MAPT: variants seen among roughly 807,000 people sequenced by gnomAD.
MAPT encodes the protein microtubule associated protein tau, also known as microtubule-associated protein tau.
MAPT carries 34 observed loss-of-function variants against 67.9 expected under a neutral mutation model. The ratio of observed to expected loss-of-function variants is 0.50; its 90% CI spans 0.38 to 0.67. The LOEUF is 0.67. Among genes scored for constraint, MAPT ranks in the 30% least tolerant of loss-of-function variants. The pLI, the probability that MAPT is intolerant of heterozygous loss-of-function variation, is 0.00. For synonymous variants in MAPT, 456 were observed against 464.5 expected, an observed-to-expected ratio of 0.98 and a Z score of 0.23; for missense variants, 881 against 1,115.2, an observed-to-expected ratio of 0.79 and a Z score of 2.99.
At chr17:45,925,627 G>T (rs1195193567) in intron 1 of MAPT, among the ~76,000 whole-genome samples, 1 of 152,200 alleles carries the variant, frequency 6.6e-6, no homozygotes, top group African/African-American at 2.4e-5. Context: ...TCTGGAAATG[G>T]TTAGATAGAA....
At chr17:45,914,104 A>AG (rs1282026860) in intron 1 of MAPT, among the ~76,000 whole-genome samples, 1 of 151,550 alleles carries the variant, frequency 6.6e-6, no homozygotes, top group Non-Finnish European at 1.5e-5. Flanking sequence ...CCTCATAATA[A>AG]AAAGACTGCT....
intron 10 of MAPT, among the ~76,000 whole-genome samples, chr17:46,013,603 G>C (rs2075969479): frequency 6.6e-6 from 1 of 152,238 alleles, no homozygotes; most frequent in African/African-American, 2.4e-5. Context: ...AGGACACTGA[G>C]TGTGCAGGTG....
chr17:46,010,521 T>C lies in MAPT; in HGVS notation c.2091+119T>C. On this transcript the variant is annotated intron_variant, in intron 10 of 12. Coordinates refer to ENST00000262410, the MANE Select transcript of MAPT (RefSeq NM_001377265.1). This position sits in a 1 kb window ranked among gnomAD's most constrained non-coding sequence, Gnocchi z 4.7. ...AAATCCTTCTTGGGCTCTCAGGATC[T>C]GGCTGCGACCTCTGGGTGAATGTAG... The C allele has an allele frequency of 1.3e-6, 1 of 786,564 alleles. No individual in the cohort carries two copies. The highest frequency in any genetic ancestry group is 2.2e-6 in the Non-Finnish European group (1 of 457,630). The allele number at this position is 786,564 out of a possible 1,614,324, so 48.7% of individuals were successfully genotyped here.
intron 1 of MAPT, chr17:45,932,104 A>G (rs1310423240): frequency 1.3e-5 from 2 of 150,906 alleles, no homozygotes; most frequent in Non-Finnish European, 3.0e-5. Context: ...AAAAAAAAAG[A>G]AACACAAAAA....
chr17:45,919,414 C>G (rs1009481902), intron 1 of MAPT, among the ~76,000 whole-genome samples: 11 of 152,208 alleles, frequency 7.2e-5, no homozygotes, highest in Non-Finnish European at 1.0e-4. Context: ...TCATCCCAGC[C>G]CCTTACCTGC....
At chr17:45,923,243 C>T (rs540391262) in intron 1 of MAPT, among the ~76,000 whole-genome samples, 3 of 152,260 alleles carry the variant, frequency 2.0e-5, no homozygotes, top group South Asian at 4.1e-4. Flanking sequence ...CTAAGGATTT[C>T]GATGTGAATG....
intron 1 of MAPT, among the ~76,000 whole-genome samples, chr17:45,919,959 G>C (rs1180978174): frequency 6.6e-6 from 1 of 152,170 alleles, no homozygotes; most frequent in Non-Finnish European, 1.5e-5. Flanking sequence ...GGGGGCTCCA[G>C]GTGGGCTTGG....
chr17:46,000,773 C>T lies in MAPT; in HGVS notation c.1998+4109C>T, dbSNP rs145924871. On this transcript the variant is annotated intron_variant, in intron 9 of 12. Coordinates refer to ENST00000262410, the MANE Select transcript of MAPT (RefSeq NM_001377265.1). ...TCATTTTCCACTTTCAGTCCCAGCT[C>T]TATCCCTATTTGCAGTTTCCAAGTG... 2.0e-5 allele frequency among the ~76,000 whole-genome samples: 3 copies of T among 152,312 alleles called. No individual in the cohort carries two copies. The East Asian group carries it at 5.8e-4, about 29-fold the overall frequency.
At chr17:45,917,731 C>T (rs1459467839) in intron 1 of MAPT, among the ~76,000 whole-genome samples, 4 of 151,706 alleles carry the variant, frequency 2.6e-5, no homozygotes, top group African/African-American at 9.7e-5. Flanking sequence ...TTGGTCCATC[C>T]GTAAAGTGAA....
chr17:45,952,058 T>C (rs549971272), intron 1 of MAPT, among the ~76,000 whole-genome samples: 2 of 152,364 alleles, frequency 1.3e-5, no homozygotes, highest in Non-Finnish European at 1.5e-5. Flanking sequence ...TATTTTCCTG[T>C]CTGTGTGTCT....
chr17:45,959,547 C>T (rs1031097039), intron 1 of MAPT, among the ~76,000 whole-genome samples: 5 of 152,076 alleles, frequency 3.3e-5, no homozygotes, highest in Non-Finnish European at 7.4e-5. Context: ...GTGGCTCATG[C>T]CTGTAATCCC....
intron 1 of MAPT, among the ~76,000 whole-genome samples, chr17:45,916,672 C>G (rs1398423220): frequency 1.3e-5 from 2 of 152,220 alleles, no homozygotes; most frequent in Non-Finnish European, 2.9e-5. Flanking sequence ...CCTCCCTTCT[C>G]CCCAGTCCTC....
chr17:45,945,508 T>A (rs1468455160), intron 1 of MAPT, among the ~76,000 whole-genome samples: 1 of 151,962 alleles, frequency 6.6e-6, no homozygotes, highest in African/African-American at 2.4e-5. Flanking sequence ...CCATTGGAGG[T>A]CAACCAAAAG....
chr17:45,987,998 C>T (rs1159191504), intron 6 of MAPT, among the ~76,000 whole-genome samples: 1 of 152,222 alleles, frequency 6.6e-6, no homozygotes, highest in East Asian at 1.9e-4. Flanking sequence ...CATCCCTGCC[C>T]TGGAGTTGCC....
chr17:46,005,409 C>G (rs2075344856), intron 9 of MAPT, among the ~76,000 whole-genome samples: 1 of 152,130 alleles, frequency 6.6e-6, no homozygotes, highest in Non-Finnish European at 1.5e-5. Flanking sequence ...TGTTCCCACT[C>G]CTTTCTGAAA....
At chr17:45,980,548 T>C (rs1403811619) in intron 4 of MAPT, 1 of 151,850 alleles carries the variant, frequency 6.6e-6, no homozygotes, top group Non-Finnish European at 1.5e-5. Flanking sequence ...CCTGGCTTCT[T>C]CCTCCAGGGG....
At chr17:46,004,261 C>T (rs894571604) in intron 9 of MAPT, among the ~76,000 whole-genome samples, 1 of 152,196 alleles carries the variant, frequency 6.6e-6, no homozygotes, top group South Asian at 2.1e-4. Context: ...CTCTTTGGAA[C>T]AGCCTTGAGA....
At chr17:46,002,745 C>G (rs1282769939) in intron 9 of MAPT, among the ~76,000 whole-genome samples, 1 of 152,124 alleles carries the variant, frequency 6.6e-6, no homozygotes, top group Non-Finnish European at 1.5e-5. Context: ...TGGTTCTGGG[C>G]CGCAGCCTGG....
chr17:46,002,322 T>G (rs1444397146), intron 9 of MAPT, among the ~76,000 whole-genome samples: 1 of 151,906 alleles, frequency 6.6e-6, no homozygotes, highest in African/African-American at 2.4e-5. Context: ...TCAGCAGCCC[T>G]TCTTGGGGGG....
Sources: allele counts gnomAD v4.1 joint callset (sites outside exome capture counted in the v4.1 genomes callset), GRCh38; gene constraint gnomAD v4.1.1; non-coding constraint Gnocchi (gnomAD v3.1); transcripts MANE v1.5; gene names NCBI Gene and HGNC (gene_info 2026-07-23, HGNC 2026-07-21).